Variants in WDR62 observed in about 807,000 individuals in gnomAD.
WDR62 encodes the protein WD repeat domain 62.
WDR62 carries 112 observed loss-of-function variants against 160.6 expected under a neutral mutation model. The ratio of observed to expected loss-of-function variants is 0.70; its 90% CI spans 0.60 to 0.82. WDR62 has a LOEUF of 0.82. WDR62 is among the 40% of genes least tolerant of loss of function. WDR62 has a pLI of 0.00. For missense variants in WDR62, 1,819 were observed against 1,983.8 expected (o/e 0.92, Z 1.58); for synonymous variants, 792 against 815.1 (o/e 0.97, Z 0.48).
intron 30 of WDR62, 139 bp downstream of exon 30, chr19:36,104,120 G>T (rs1568373503): frequency 6.0e-6 from 7 of 1,170,282 alleles, no homozygotes; most frequent in South Asian, 5.2e-5. Flanking sequence ...AATATTTAAT[G>T]AGCATTACAT....
chr19:36,067,286 C>T lies in WDR62; in HGVS notation c.562-20C>T, dbSNP rs1970992158. 10 of 1,614,068 alleles carry T rather than the reference C, an allele frequency of 6.2e-6. No individual in the cohort carries two copies. Among genetic ancestry groups the T allele is most frequent in the Non-Finnish European group, 6.8e-6 (8 of 1,180,016 alleles). ...GTGGAATGAGTGCTGGCATGAGCTT[C>T]TCTGCACTTATTCTTCCAGAAAGAC... is the stretch of plus-strand genomic sequence containing the variant. On this transcript the variant is annotated intron_variant, in intron 5 of 31. Transcript: ENST00000401500.
intron 1 of WDR62, 137 bp downstream of exon 1, chr19:36,055,285 A>G (rs1003113976): frequency 1.3e-4 from 113 of 856,800 alleles, no homozygotes; most frequent in Non-Finnish European, 1.9e-4. Flanking sequence ...TCGTCCCCTA[A>G]CCCCCGCCCC....
intron 10 of WDR62, among the ~76,000 whole-genome samples, chr19:36,082,754 G>C (rs886832636): frequency 6.6e-6 from 1 of 152,230 alleles, no homozygotes; most frequent in Non-Finnish European, 1.5e-5. Context: ...ATTTGAGGGA[G>C]CAGGCTATGT....
chr19:36,062,455 G>A (rs1178061267), intron 3 of WDR62: 1 of 151,658 alleles, frequency 6.6e-6, no homozygotes, highest in Admixed American at 6.6e-5. Context: ...TTTGAGACCA[G>A]CCTGGGGAAC....
At chr19:36,109,899 C>CA (rs1297766751), downstream of WDR62, among the ~76,000 whole-genome samples, 1 of 150,818 alleles carries the variant, frequency 6.6e-6, no homozygotes, top group Admixed American at 6.6e-5. Flanking sequence ...ACAAAAAACA[C>CA]AAAAAATCAG....
intron 30 of WDR62, 51 bp downstream of exon 30, chr19:36,104,032 T>C (rs778738833): frequency 1.9e-6 from 3 of 1,594,638 alleles, no homozygotes; most frequent in South Asian, 1.1e-5. Flanking sequence ...TCCTGTGTGC[T>C]AGTTGGCTCA....
Position 36,055,146 on chromosome 19 carries a change from C to G in WDR62, c.175C>G (p.Arg59Gly). 6.2e-7 allele frequency: 1 copy of G among 1,607,680 alleles called. No individual in the cohort carries two copies. The highest frequency in any genetic ancestry group is 8.5e-7 in the Non-Finnish European group (1 of 1,177,974). The part of the protein sequence containing the change: ...STASEETVQN[R>G]VSLEKVLGIT... The stretch of plus-strand genomic sequence containing the variant: ...GGCCTCCGAGGAGACGGTGCAGAAC[C>G]GGGTGAGAAGCTGCTCGCCATGTCT... The change falls in exon 1 of 32, where the codon CGG becomes GGG. Residue 59 changes from arginine (R) to glycine (G), a missense_variant and splice_region_variant. Physicochemically the swap from Arg to Gly is moderately radical, Grantham distance 125 (BLOSUM62 -2). Around this residue, in one of 3 missense-constraint regions of WDR62, gnomAD observed 115 missense variants for 92.4 expected, o/e 1.24. Coordinates refer to ENST00000401500, the MANE Select transcript of WDR62 (RefSeq NM_001083961.2).
chr19:36,108,490 A>G (rs1282706252), downstream of WDR62, among the ~76,000 whole-genome samples: 1 of 150,476 alleles, frequency 6.6e-6, no homozygotes, highest in East Asian at 1.9e-4. Flanking sequence ...CAACAATTGC[A>G]AAATGGAGAC....
the WDR62 span, among the ~76,000 whole-genome samples, chr19:36,110,726 C>T: frequency 6.6e-6 from 1 of 152,140 alleles, no homozygotes; most frequent in African/African-American, 2.4e-5. Context: ...GCTGTCCTCC[C>T]TGCACCCTAC....
chr19:36,055,149 G>A lies in WDR62; in HGVS notation c.177+1G>A, dbSNP rs1271830636. ...CTCCGAGGAGACGGTGCAGAACCGG[G>A]TGAGAAGCTGCTCGCCATGTCTACC... On this transcript the variant is annotated splice_donor_variant, in intron 1 of 31. Coordinates refer to ENST00000401500, the MANE Select transcript of WDR62 (RefSeq NM_001083961.2). LOFTEE classifies it high-confidence loss of function. 1 of 1,606,952 alleles carries A rather than the reference G, an allele frequency of 6.2e-7. No homozygotes were observed. The highest frequency in any genetic ancestry group is 2.2e-5 in the East Asian group (1 of 44,474).
chr19:36,058,150 G>A (rs1430422827), intron 1 of WDR62, among the ~76,000 whole-genome samples: 4 of 152,132 alleles, frequency 2.6e-5, no homozygotes, highest in African/African-American at 4.8e-5. Flanking sequence ...TCAGGAGTTC[G>A]AGGCCAGCCT....
chr19:36,088,911 T>C, intron 13 of WDR62, 127 bp from the exon 14 acceptor site: 2 of 1,067,588 alleles, frequency 1.9e-6, no homozygotes, highest in South Asian at 1.3e-5. Context: ...AGCACCCACC[T>C]CACCACCTTT....
At chr19:36,108,623 C>A (rs1312323119), downstream of WDR62, among the ~76,000 whole-genome samples, 2 of 152,164 alleles carry the variant, frequency 1.3e-5, no homozygotes, top group South Asian at 2.1e-4. Flanking sequence ...GAGGCCAAGG[C>A]AGGCAGACGG....
At chr19:36,109,808 C>T (rs1237829363), downstream of WDR62, among the ~76,000 whole-genome samples, 1 of 151,834 alleles carries the variant, frequency 6.6e-6, no homozygotes, top group African/African-American at 2.4e-5. Context: ...AATCCCAGCA[C>T]TTTGGGAGGC....
intron 9 of WDR62, among the ~76,000 whole-genome samples, chr19:36,078,423 C>T (rs753976210): frequency 6.6e-6 from 1 of 152,008 alleles, no homozygotes; most frequent in Middle Eastern, 3.4e-3. Flanking sequence ...GCAGGGATTA[C>T]AGGCGTGAGC....
chr19:36,098,944 G>A (rs1386331076), intron 21 of WDR62, among the ~76,000 whole-genome samples: 2 of 152,130 alleles, frequency 1.3e-5, no homozygotes. Context: ...AAAATGGGCT[G>A]GGCGCAGTGG....
chr19:36,084,213 TG>T (rs1972069677), intron 11 of WDR62, among the ~76,000 whole-genome samples: 1 of 152,140 alleles, frequency 6.6e-6, no homozygotes, highest in South Asian at 2.1e-4. Flanking sequence ...TGATTTCATT[TG>T]GGGAGAATCA....
At chr19:36,071,196 C>CGT in intron 7 of WDR62, 1 of 261,968 alleles carries the variant, frequency 3.8e-6, no homozygotes, top group Non-Finnish European at 7.5e-6. Flanking sequence ...ACAAAAAACT[C>CGT]TATCTCAAAA....
chr19:36,067,569 C>G, intron 6 of WDR62, 126 bp downstream of exon 6: 1 of 1,393,528 alleles, frequency 7.2e-7, no homozygotes, highest in Non-Finnish European at 1.0e-6. Context: ...CTCAGGGGCC[C>G]AGCTGCTGCT....
Sources: gnomAD v4.1 joint callset for allele counts (sites outside exome capture counted in the v4.1 genomes callset) on GRCh38, gnomAD v4.1.1 for gene constraint, gnomAD v4.1.1 regional missense constraint, MANE v1.5 for transcripts, NCBI Gene and HGNC (gene_info 2026-07-23, HGNC 2026-07-21) for gene names.